ASCC3: variants seen among roughly 807,000 people sequenced by gnomAD.
ASCC3 encodes ASC-1 complex subunit P200.
In ASCC3, 158 loss-of-function variants were observed where a neutral mutation model predicts 256.3. The ratio of observed to expected loss-of-function variants is 0.62; its 90% confidence interval spans 0.54 to 0.70. The LOEUF is 0.70. ASCC3 is among the 30% of genes least tolerant of loss of function. The pLI, the probability that ASCC3 is intolerant of heterozygous loss-of-function variation, is 0.00. For synonymous variants in ASCC3, 948 were observed against 883.4 expected (o/e 1.07, Z -1.30); for missense variants, 2,259 against 2,626.0 (o/e 0.86, Z 3.05).
chr6:100,596,594 T>C (rs1772311898), intron 34 of ASCC3, among the ~76,000 whole-genome samples: 1 of 152,194 alleles, frequency 6.6e-6, no homozygotes, highest in African/African-American at 2.4e-5. Context: ...TTTGGTTTTG[T>C]ATGATTTTAA....
chr6:100,709,909 A>C (rs1778786127), intron 13 of ASCC3, among the ~76,000 whole-genome samples: 1 of 152,156 alleles, frequency 6.6e-6, no homozygotes, highest in Admixed American at 6.5e-5. Flanking sequence ...ATAGCTAACA[A>C]ACAGTATAGG....
chr6:100,729,511 A>T (rs1349547121), intron 10 of ASCC3, among the ~76,000 whole-genome samples: 2 of 152,194 alleles, frequency 1.3e-5, no homozygotes, highest in African/African-American at 2.4e-5. Flanking sequence ...TATACATAAA[A>T]TGGAGTCCTA....
chr6:100,597,162 C>A (rs1772343171), intron 34 of ASCC3, among the ~76,000 whole-genome samples: 1 of 152,236 alleles, frequency 6.6e-6, no homozygotes, highest in Non-Finnish European at 1.5e-5. Flanking sequence ...CCATCTCCCC[C>A]CAGGCCGCCT....
chr6:100,735,719 G>C (rs1399031800), intron 10 of ASCC3, among the ~76,000 whole-genome samples: 1 of 151,992 alleles, frequency 6.6e-6, no homozygotes, highest in South Asian at 2.1e-4. Context: ...AAGACAATAA[G>C]ATCTCTACAT....
rs144312686 is a variant in ASCC3, at chr6:100,862,977, G to C, written c.241+1087C>G. On this transcript the variant is annotated intron_variant, in intron 3 of 41. Transcript: ENST00000369162. ...CCCAAATCAGGTACTAGCCTGGTAG[G>C]TTTGAGGAAGTTGAAGACAGACGTG... Among the ~76,000 whole-genome samples, 1,116 of 152,286 alleles carry C rather than the reference G, an allele frequency of 7.3e-3. 5 individuals carry two copies. The highest frequency in any genetic ancestry group is 0.02 in the Middle Eastern group (6 of 294).
rs534630188 is a variant in ASCC3, at chr6:100,595,675, G to A, written c.5304-5616C>T. Among the ~76,000 whole-genome samples, 9 of 152,284 alleles carry A rather than the reference G, an allele frequency of 5.9e-5. No individual in the cohort carries two copies. In the South Asian group the frequency reaches 1.9e-3, roughly 32 times the overall value. On this transcript the variant is annotated intron_variant, in intron 34 of 41. Transcript: ENST00000369162. ...CAATGAGCACAGTGATGGAGAATGG[G>A]ATGGAATCCTAGTGTTGCCTCTGTC...
At chr6:100,552,937 G>T (rs1182238922) in intron 36 of ASCC3, among the ~76,000 whole-genome samples, 1 of 151,892 alleles carries the variant, frequency 6.6e-6, no homozygotes, top group African/African-American at 2.4e-5. Flanking sequence ...CTTGAAAAGA[G>T]ATTTAAAATG....
intron 8 of ASCC3, among the ~76,000 whole-genome samples, chr6:100,772,409 T>C (rs1781983159): frequency 6.6e-6 from 1 of 152,146 alleles, no homozygotes; most frequent in Non-Finnish European, 1.5e-5. Flanking sequence ...ACCACTCAAA[T>C]GTCCATCGAC....
chr6:100,740,893 T>C (rs1780405311), intron 10 of ASCC3, among the ~76,000 whole-genome samples: 4 of 152,238 alleles, frequency 2.6e-5, no homozygotes, highest in Admixed American at 2.6e-4. Flanking sequence ...TTTAGCCCAT[T>C]TACATGTAAC....
At chr6:100,696,268 G>A (rs905406054) in intron 13 of ASCC3, among the ~76,000 whole-genome samples, 6 of 151,988 alleles carry the variant, frequency 3.9e-5, no homozygotes, top group African/African-American at 1.4e-4. Flanking sequence ...TGATAAAAAT[G>A]ACAGCTACAG....
At chr6:100,725,790 C>A in intron 10 of ASCC3, 87 bp from the exon 11 acceptor site, 1 of 1,390,118 alleles carries the variant, frequency 7.2e-7, no homozygotes, top group South Asian at 1.2e-5. Flanking sequence ...ATATTTTGGC[C>A]ACCTCTACAT....
At chr6:100,769,360 G>T (rs1781811237) in intron 8 of ASCC3, among the ~76,000 whole-genome samples, 1 of 151,882 alleles carries the variant, frequency 6.6e-6, no homozygotes, top group Non-Finnish European at 1.5e-5. Flanking sequence ...TAGAAGAAAA[G>T]ATTTTGAATG....
intron 16 of ASCC3, among the ~76,000 whole-genome samples, chr6:100,658,978 T>G (rs1311682761): frequency 6.6e-6 from 1 of 151,466 alleles, no homozygotes; most frequent in Non-Finnish European, 1.5e-5. Flanking sequence ...TAAGTGACTT[T>G]ATATATGGAT....
intron 10 of ASCC3, among the ~76,000 whole-genome samples, chr6:100,737,724 T>C (rs1241981525): frequency 6.6e-6 from 1 of 152,240 alleles, no homozygotes; most frequent in Non-Finnish European, 1.5e-5. Flanking sequence ...GAATGAGTTA[T>C]ATTCCTTTTG....
chr6:100,581,283 G>A (rs1410276239), intron 36 of ASCC3, among the ~76,000 whole-genome samples: 1 of 152,088 alleles, frequency 6.6e-6, no homozygotes, highest in African/African-American at 2.4e-5. Context: ...TCTAACTGGT[G>A]TGAGATGGTA....
chr6:100,672,463 G>A (rs1375093424), intron 14 of ASCC3, among the ~76,000 whole-genome samples: 1 of 151,842 alleles, frequency 6.6e-6, no homozygotes, highest in Non-Finnish European at 1.5e-5. Flanking sequence ...AAAGCATTCA[G>A]GCAAGATCTG....
At chr6:100,677,578 A>C (rs1777088075) in intron 14 of ASCC3, among the ~76,000 whole-genome samples, 1 of 152,178 alleles carries the variant, frequency 6.6e-6, no homozygotes, top group South Asian at 2.1e-4. Context: ...ACAATGGTAC[A>C]GGTCAGATGA....
chr6:100,670,500 T>C (rs1049368115), intron 14 of ASCC3, among the ~76,000 whole-genome samples: 3 of 151,732 alleles, frequency 2.0e-5, no homozygotes, highest in Admixed American at 6.6e-5. Context: ...AGTTATACTG[T>C]ATTGTTTAGG....
intron 24 of ASCC3, among the ~76,000 whole-genome samples, chr6:100,639,973 G>C (rs1172169440): frequency 6.6e-6 from 1 of 152,068 alleles, no homozygotes; most frequent in Non-Finnish European, 1.5e-5. Flanking sequence ...AAATTAACTG[G>C]GCGTGGTGGT....
Sources: gnomAD v4.1 joint callset for allele counts (sites outside exome capture counted in the v4.1 genomes callset) on GRCh38, gnomAD v4.1.1 for gene constraint, MANE v1.5 for transcripts, NCBI Gene and HGNC (gene_info 2026-07-23, HGNC 2026-07-21) for gene names.